SCN3A: variants seen among roughly 807,000 people sequenced by gnomAD.
The protein encoded by SCN3A is sodium channel protein type 3 subunit alpha.
A neutral mutation model predicts 187.6 loss-of-function variants in SCN3A; 60 were observed. The observed-to-expected ratio is 0.32, with a 90% CI of 0.26 to 0.40. The LOEUF is 0.40. SCN3A is among the 10% of genes least tolerant of loss of function. The probability of loss-of-function intolerance (pLI) is 1.00; values close to 1 mark genes in which losing one functional copy is unlikely to be tolerated. For missense variants in SCN3A, 1,601 were observed against 2,428.2 expected, an observed-to-expected ratio of 0.66 and a Z score of 7.16; for synonymous variants, 788 against 829.2, an observed-to-expected ratio of 0.95 and a Z score of 0.85.
At chr2:165,148,302 G>GTTGACTTTTCAAGACATCATAAAAGAC (rs572495360) in intron 11 of SCN3A, among the ~76,000 whole-genome samples, 3 of 152,008 alleles carry the variant, frequency 2.0e-5, no homozygotes, top group Admixed American at 6.5e-5. Context: ...CAGATAGCAA[G>GTTGACTTTTCAAGACATCATAAAAGAC]TTGACTTTTC....
chr2:165,123,270 A>G (rs1201823109), intron 18 of SCN3A, among the ~76,000 whole-genome samples: 1 of 152,112 alleles, frequency 6.6e-6, no homozygotes, highest in Non-Finnish European at 1.5e-5. Flanking sequence ...CAGCCTATTT[A>G]TGTTAGTGGT....
Position 165,128,426 on chromosome 2 carries a change from CGAGA to C in SCN3A, c.2923-329_2923-326del, listed in dbSNP as rs35511955. ...ATCCTACCCTCAAGGATTCTGCCAACGAGAGAGAGAGAGAGAGAGAGAGAAAGAT... is the reference window on the plus strand; with the variant it reads ...ATCCTACCCTCAAGGATTCTGCCAACGAGAGAGAGAGAGAGAGAGAAAGAT... On this transcript the variant is annotated intron_variant, in intron 17 of 27. Transcript: ENST00000283254. Among the ~76,000 whole-genome samples the C allele has an allele frequency of 2.4e-4, 34 of 140,904 alleles. 1 individual carries two copies. The highest frequency in any genetic ancestry group is 3.7e-4 in the Non-Finnish European group (23 of 61,474). 92.4% of individuals were successfully genotyped at this position (140,904 alleles called of 152,430 possible). A position where few individuals can be genotyped will look rare whatever the true frequency, so the allele number is the denominator to read the frequency against.
At chr2:165,139,734 A>G (rs1239285252) in intron 13 of SCN3A, 126 bp from the exon 14 acceptor site, 10 of 1,156,506 alleles carry the variant, frequency 8.6e-6, no homozygotes, top group African/African-American at 4.6e-5. Flanking sequence ...GGAATAAAAT[A>G]TTGAATTATT....
Position 165,092,378 on chromosome 2 carries a change from G to A in SCN3A, c.4683C>T (p.Ile1561=), listed in dbSNP as rs1485525414. The part of the protein sequence containing the change: ...GKYMTLVLSR[I]NLVFIVLFTG... Reference sequence around the variant, plus strand: ...TGAACAGAACAATGAACACTAGGTTGATCCGGGACAAAACTAGGGTCATGT... The same window carrying A: ...TGAACAGAACAATGAACACTAGGTTAATCCGGGACAAAACTAGGGTCATGT... The change falls in exon 27 of 28, where the codon ATC becomes ATT. Residue 1561 remains isoleucine, a synonymous_variant. Transcript: ENST00000283254. The surrounding 1 kb of genome is among the most constrained non-coding windows in gnomAD (Gnocchi z 4.2). 1 of 1,613,944 alleles carries A rather than the reference G, an allele frequency of 6.2e-7. No homozygotes were observed. Among genetic ancestry groups the A allele is most frequent in the South Asian group, 1.1e-5 (1 of 91,080 alleles).
At chr2:165,186,289 C>CA (rs1553541623) in intron 2 of SCN3A, among the ~76,000 whole-genome samples, 1 of 151,138 alleles carries the variant, frequency 6.6e-6, no homozygotes, top group African/African-American at 2.4e-5. Context: ...ACAACAACAA[C>CA]AAAAAAACAA....
In SCN3A at chr2:165,192,099, T is replaced by C. The variant is rs149333255; in HGVS notation, c.-247-5352A>G. Reference sequence around the variant, plus strand: ...ACTTTGTTTTGTATTATATAGATATTAAGATGATAAAACATAAAAGGACTC... The same window carrying C: ...ACTTTGTTTTGTATTATATAGATATCAAGATGATAAAACATAAAAGGACTC... On this transcript the variant is annotated intron_variant, in intron 1 of 27. Transcript: ENST00000283254. Among the ~76,000 whole-genome samples the C allele has an allele frequency of 2.9e-3, 434 of 152,226 alleles. 5 individuals are homozygous for C. Among genetic ancestry groups the C allele is most frequent in the African/African-American group, 9.8e-3 (408 of 41,556 alleles).
At chr2:165,172,257 A>G (rs1395977158) in intron 3 of SCN3A, among the ~76,000 whole-genome samples, 1 of 152,066 alleles carries the variant, frequency 6.6e-6, no homozygotes, top group East Asian at 1.9e-4. Flanking sequence ...ATTTTTCAGA[A>G]ACTACACAGT....
chr2:165,156,299 G>T (rs1310923226), intron 9 of SCN3A, among the ~76,000 whole-genome samples: 1 of 151,660 alleles, frequency 6.6e-6, no homozygotes, highest in East Asian at 1.9e-4. Context: ...AAGGTCAGGA[G>T]ATCGAGACTA....
In SCN3A at chr2:165,197,098, A is replaced by G. The variant is rs1032068727; in HGVS notation, c.-248+6725T>C. On this transcript the variant is annotated intron_variant, in intron 1 of 27. Transcript: ENST00000283254. ...ATTGGGATAATAAATTAACAATTTC[A>G]AATGTAAAATTATTTAAACACATAA... Among the ~76,000 whole-genome samples the G allele has an allele frequency of 9.9e-5, 15 of 152,284 alleles. No individual in the cohort carries two copies. In the East Asian group the frequency reaches 2.9e-3, roughly 29 times the overall value.
At chr2:165,164,110 C>G (rs1689585592) in intron 6 of SCN3A, among the ~76,000 whole-genome samples, 1 of 152,140 alleles carries the variant, frequency 6.6e-6, no homozygotes, top group African/African-American at 2.4e-5. Flanking sequence ...GTTTGCAAAA[C>G]TAATCCAAGT....
intron 1 of SCN3A, chr2:165,195,330 G>A (rs1304212090): frequency 6.6e-6 from 1 of 152,100 alleles, no homozygotes; most frequent in Non-Finnish European, 1.5e-5. Flanking sequence ...TCTCCTCAAG[G>A]ACATGGAGGA....
In SCN3A at chr2:165,090,339, TAA is replaced by T. The variant is rs1685022174; in HGVS notation, c.5812_5813del (p.Leu1938ThrfsTer9). 6.2e-7 allele frequency: 1 copy of T among 1,613,148 alleles called. No individual in the cohort carries two copies. Among genetic ancestry groups the T allele is most frequent in the Non-Finnish European group, 8.5e-7 (1 of 1,179,330 alleles). ...CAATAATCATGTCTTGTTTTATAGG[TAA>T]GTCAATCCTCCCTTTAATTGCCTCT... is the stretch of plus-strand genomic sequence containing the variant. ...NKEAIKGRID[L>X]PIKQDMIIDK... On this transcript the variant is annotated frameshift_variant, in exon 28 of 28. Transcript: ENST00000283254. LOFTEE classifies it high-confidence loss of function. The surrounding 1 kb of genome is among the most constrained non-coding windows in gnomAD (Gnocchi z 4.0).
At position 165,154,461 on chromosome 2, in the gene SCN3A, T is replaced by G; in HGVS notation, c.1371A>C (p.Glu457Asp). 4 of 1,614,130 alleles carry G rather than the reference T, an allele frequency of 2.5e-6. No individual in the cohort carries two copies. Among genetic ancestry groups the G allele is most frequent in the Non-Finnish European group, 3.4e-6 (4 of 1,179,962 alleles). The stretch of plus-strand genomic sequence containing the variant: ...TTTTATCACTCAGTACCTGAGCTTC[T>G]TCCTGTTGCTTTTTAAGCTGTTCGA... ...QMLEQLKKQQ[E>D]EAQAVAAASA... Residue 457 changes from glutamate to aspartate, a missense_variant, in exon 11 of 28, where the codon GAA (glutamate) becomes GAC (aspartate). By Grantham distance (45) the Glu-to-Asp change is conservative. Transcript: ENST00000283254.
intron 9 of SCN3A, among the ~76,000 whole-genome samples, chr2:165,157,239 G>C (rs773189101): frequency 6.6e-6 from 1 of 151,778 alleles, no homozygotes; most frequent in African/African-American, 2.4e-5. Context: ...TCCTTTTTTT[G>C]TTCCAGGATC....
intron 11 of SCN3A, 26 bp from the exon 12 acceptor site, chr2:165,147,055 A>G: frequency 6.2e-7 from 1 of 1,613,436 alleles, no homozygotes; most frequent in Non-Finnish European, 8.5e-7. Flanking sequence ...GCCAGGCACT[A>G]TTTAGAACAC....
chr2:165,121,678 C>T (rs1686686640), intron 18 of SCN3A, among the ~76,000 whole-genome samples: 1 of 152,106 alleles, frequency 6.6e-6, no homozygotes, highest in Admixed American at 6.6e-5. Context: ...ATTAGATATT[C>T]CTTGTCACCA....
At chr2:165,093,968 C>T (rs1343406180) in intron 26 of SCN3A, 1 of 198,754 alleles carries the variant, frequency 5.0e-6, no homozygotes, top group Non-Finnish European at 1.0e-5. Flanking sequence ...ATTTTGATGA[C>T]ACCTTTTCCC....
chr2:165,094,688 G>T (rs1685279199), intron 25 of SCN3A, among the ~76,000 whole-genome samples: 1 of 152,058 alleles, frequency 6.6e-6, no homozygotes, highest in South Asian at 2.1e-4. Context: ...ATCGCTACAG[G>T]ATCCTAATTT....
intron 9 of SCN3A, among the ~76,000 whole-genome samples, chr2:165,160,430 G>A (rs1183617214): frequency 2.0e-5 from 3 of 152,114 alleles, no homozygotes; most frequent in Admixed American, 6.5e-5. Flanking sequence ...TGCCAAAAAG[G>A]CTGGGGACTG....
Sources: gnomAD v4.1 joint callset for allele counts (sites outside exome capture counted in the v4.1 genomes callset) on GRCh38, gnomAD v4.1.1 for gene constraint, Gnocchi (gnomAD v3.1) non-coding constraint, MANE v1.5 for transcripts, NCBI Gene and HGNC (gene_info 2026-07-23, HGNC 2026-07-21) for gene names.